Variants in NCOR1 observed in about 807,000 individuals in gnomAD.
NCOR1 encodes nuclear receptor corepressor 1, also known as protein phosphatase 1, regulatory subunit 109.
Under a neutral mutation model 288.1 loss-of-function variants are expected in NCOR1, and 63 were observed. The ratio of observed to expected loss-of-function variants is 0.22; its 90% CI spans 0.18 to 0.27. The LOEUF (loss-of-function observed/expected upper bound fraction) is 0.27, where lower values mean the gene tolerates loss of function less well. NCOR1 is among the 10% of genes least tolerant of loss of function. The pLI, the probability that NCOR1 is intolerant of heterozygous loss-of-function variation, is 1.00. For synonymous variants in NCOR1, 1,007 were observed against 1,065.9 expected (o/e 0.94, Z 1.08); for missense variants, 2,397 against 3,019.2 (o/e 0.79, Z 4.83).
intron 11 of NCOR1, among the ~76,000 whole-genome samples, chr17:16,141,323 C>G (rs913071621): frequency 5.3e-5 from 8 of 152,108 alleles, no homozygotes; most frequent in African/African-American, 1.9e-4. Context: ...TTGGAATCCT[C>G]TCTTTGGGAA....
intron 21 of NCOR1, among the ~76,000 whole-genome samples, chr17:16,095,256 G>C (rs866011590): frequency 7.9e-6 from 1 of 126,408 alleles, no homozygotes; most frequent in African/African-American, 3.1e-5. Context: ...GCCCGGCCGC[G>C]ACCCCGTCTG....
In NCOR1 at chr17:16,068,874, C is replaced by T. The variant is rs115256802; in HGVS notation, c.4514-753G>A. The stretch of plus-strand genomic sequence containing the variant: ...GACTACAGGAGCGCGCCACCATGCA[C>T]GGCTAATTGTTTTTGTATTTTTAGT... On this transcript the variant is annotated intron_variant, in intron 31 of 45. Coordinates refer to ENST00000268712, the MANE Select transcript of NCOR1 (RefSeq NM_006311.4). 2.7e-3 allele frequency among the ~76,000 whole-genome samples: 412 copies of T among 152,040 alleles called. 2 individuals are homozygous for T. The highest frequency in any genetic ancestry group is 9.5e-3 in the African/African-American group (392 of 41,450).
At chr17:16,190,946 G>C (rs1451226651) in intron 2 of NCOR1, among the ~76,000 whole-genome samples, 2 of 152,212 alleles carry the variant, frequency 1.3e-5, no homozygotes, top group African/African-American at 4.8e-5. Context: ...CATGGGAAGG[G>C]AACCTAAATC....
intron 40 of NCOR1, among the ~76,000 whole-genome samples, chr17:16,053,089 T>C (rs1445705061): frequency 6.6e-6 from 1 of 152,184 alleles, no homozygotes; most frequent in Non-Finnish European, 1.5e-5. Context: ...GCCAACATCA[T>C]ACTGAATGGG....
At chr17:16,169,192 C>A (rs545369586) in intron 4 of NCOR1, among the ~76,000 whole-genome samples, 1 of 152,132 alleles carries the variant, frequency 6.6e-6, no homozygotes, top group South Asian at 2.1e-4. Context: ...AAAGGGGGCA[C>A]ATTAAAATAT....
rs1297781076 is a variant in NCOR1, at chr17:16,181,207, A to ATGTATG, written c.242+5341_242+5346dup. ...GTGATGTGTGTGTGTATACATATATATGTATGTGTGTGTGTGTGTGTGTGT... is the reference window on the plus strand; with the variant it reads ...GTGATGTGTGTGTGTATACATATATATGTATGTGTATGTGTGTGTGTGTGTGTGTGT... On this transcript the variant is annotated intron_variant, in intron 3 of 45. Coordinates refer to ENST00000268712, the MANE Select transcript of NCOR1 (RefSeq NM_006311.4). Among the ~76,000 whole-genome samples the ATGTATG allele has an allele frequency of 5.8e-5, 5 of 85,720 alleles. No homozygotes were observed. The South Asian group carries it at 2.5e-3, about 43-fold the overall frequency. The allele number at this position is 85,720 out of a possible 152,430, so 56.2% of individuals were successfully genotyped here.
At chr17:16,057,859 C>T in intron 39 of NCOR1, 48 bp downstream of exon 39, 1 of 1,535,488 alleles carries the variant, frequency 6.5e-7, no homozygotes, top group Non-Finnish European at 8.7e-7. Context: ...CTGCTTTCCC[C>T]ATGATCAAAA....
At chr17:16,054,122 A>G (rs2059645322) in intron 40 of NCOR1, among the ~76,000 whole-genome samples, 1 of 151,596 alleles carries the variant, frequency 6.6e-6, no homozygotes, top group Non-Finnish European at 1.5e-5. Context: ...ACAACCTAGG[A>G]AATACCTTTC....
chr17:16,030,227 T>G lies in NCOR1; in HGVS notation c.*2069A>C. Reference sequence around the variant, plus strand: ...TTCATTAAGTGGAAGTGGATCATCATGAAGGTCTTCATCCTTGTCATCTTC... The same window carrying G: ...TTCATTAAGTGGAAGTGGATCATCAGGAAGGTCTTCATCCTTGTCATCTTC... On this transcript the variant is annotated 3_prime_UTR_variant, in exon 46 of 46. Coordinates refer to ENST00000268712, the MANE Select transcript of NCOR1 (RefSeq NM_006311.4). 1 of 228,418 alleles carries G rather than the reference T, an allele frequency of 4.4e-6. No individual in the cohort carries two copies. The allele number at this position is 228,418 out of a possible 1,614,324, so 14.1% of individuals were successfully genotyped here. A position where few individuals can be genotyped will look rare whatever the true frequency, so the allele number is the denominator to read the frequency against.
At position 16,098,310 on chromosome 17, in the gene NCOR1, G is replaced by A. The variant is rs753273057; in HGVS notation, c.2820+57C>T. 144 of 1,527,032 alleles carry A rather than the reference G, an allele frequency of 9.4e-5. No homozygotes were observed. In the Middle Eastern group the frequency reaches 1.0e-3, roughly 11 times the overall value. The allele number at this position is 1,527,032 out of a possible 1,614,324, so 94.6% of individuals were successfully genotyped here. The stretch of plus-strand genomic sequence containing the variant: ...ACCAATTAAAGAACAGAAGAAATAT[G>A]TCTATAAAGGTCTCAGTTTTTCATA... On this transcript the variant is annotated intron_variant, in intron 21 of 45. Transcript: ENST00000268712.
chr17:16,170,940 T>C (rs1454120678), intron 4 of NCOR1, among the ~76,000 whole-genome samples: 1 of 151,794 alleles, frequency 6.6e-6, no homozygotes, highest in African/African-American at 2.4e-5. Context: ...AATAAGTGCA[T>C]GGGGAAAGTT....
chr17:16,145,329 G>C (rs1464014545), intron 10 of NCOR1, among the ~76,000 whole-genome samples: 1 of 151,000 alleles, frequency 6.6e-6, no homozygotes, highest in Non-Finnish European at 1.5e-5. Context: ...ACCCCATCTG[G>C]GAAGTGAGGA....
chr17:16,212,166 G>C (rs891449120), intron 1 of NCOR1, among the ~76,000 whole-genome samples: 10 of 152,046 alleles, frequency 6.6e-5, no homozygotes, highest in Admixed American at 6.6e-4. Flanking sequence ...TCAGGAGGCT[G>C]AGGCAGGAGA....
rs1010080905 is a variant in NCOR1 at position 16,030,983 on chromosome 17, T to C, written c.*1313A>G. On this transcript the variant is annotated 3_prime_UTR_variant, in exon 46 of 46. Transcript: ENST00000268712. ...ACCAGTGGCATTCTCCCAAAACTGTTAGTATCTATGTTATAGAAAGATACT... is the reference window on the plus strand; with the variant it reads ...ACCAGTGGCATTCTCCCAAAACTGTCAGTATCTATGTTATAGAAAGATACT... The C allele has an allele frequency of 4.6e-5, 9 of 196,804 alleles. No individual in the cohort carries two copies. The highest frequency in any genetic ancestry group is 3.0e-4 in the Admixed American group (5 of 16,460). The allele number at this position is 196,804 out of a possible 1,614,324, so 12.2% of individuals were successfully genotyped here. A position where few individuals can be genotyped will look rare whatever the true frequency, so the allele number is the denominator to read the frequency against.
intron 26 of NCOR1, among the ~76,000 whole-genome samples, chr17:16,076,466 G>A (rs1567862489): frequency 2.0e-5 from 3 of 152,186 alleles, no homozygotes; most frequent in Admixed American, 1.3e-4. Context: ...CCAATTGAGA[G>A]CAATCATTGA....
intron 3 of NCOR1, among the ~76,000 whole-genome samples, chr17:16,181,824 A>T (rs1350752098): frequency 6.6e-6 from 1 of 152,162 alleles, no homozygotes; most frequent in East Asian, 1.9e-4. Flanking sequence ...CCTAGATAAT[A>T]AAAAAAGTGA....
chr17:16,073,584 A>G lies in NCOR1; in HGVS notation c.3671-15T>C. On this transcript the variant is annotated splice_polypyrimidine_tract_variant and intron_variant, in intron 27 of 45. Coordinates refer to ENST00000268712, the MANE Select transcript of NCOR1 (RefSeq NM_006311.4). ...ATTCTTAATATCTACAGAATACACAAACAAGACTTGCTCAGACGGAGCACA... is the reference window on the plus strand; with the variant it reads ...ATTCTTAATATCTACAGAATACACAGACAAGACTTGCTCAGACGGAGCACA... 1.3e-6 allele frequency: 2 copies of G among 1,582,538 alleles called. No individual in the cohort carries two copies. Among genetic ancestry groups the G allele is most frequent in the Non-Finnish European group, 1.7e-6 (2 of 1,166,210 alleles).
intron 1 of NCOR1, among the ~76,000 whole-genome samples, chr17:16,196,084 T>A (rs1173779283): frequency 1.3e-5 from 2 of 150,262 alleles, no homozygotes; most frequent in African/African-American, 2.4e-5. Flanking sequence ...ATTACCTAAT[T>A]GGGTGGTTTT....
rs775669544 is a variant in NCOR1, at chr17:16,121,124, C to T, written c.1780G>A (p.Ala594Thr). 1.2e-6 allele frequency: 2 copies of T among 1,614,198 alleles called. No homozygotes were observed. The highest frequency in any genetic ancestry group is 1.7e-5 in the Admixed American group (1 of 60,030). ...GCTGCGGCTGCAGCACTGGCAGCTG[C>T]AGCTTCGTTTGTCATGGACCTGGTG... Reference protein sequence around the residue: ...RITRSMTNEAAAASAAAAAAT... With the variant: ...RITRSMTNEATAASAAAAAAT... The change falls in exon 16 of 46, where the codon GCA becomes ACA. Residue 594 changes from alanine (A) to threonine (T), a missense_variant. By Grantham distance (58) the Ala-to-Thr change is moderately conservative. This residue lies in a region of NCOR1 where 113 missense variants were observed against 139.5 expected (regional missense o/e 0.81). Transcript: ENST00000268712.
Sources: allele counts gnomAD v4.1 joint callset (sites outside exome capture counted in the v4.1 genomes callset), GRCh38; gene constraint gnomAD v4.1.1; regional missense constraint gnomAD v4.1.1; transcripts MANE v1.5; gene names NCBI Gene and HGNC (gene_info 2026-07-23, HGNC 2026-07-21).